ZNF804B: variants seen among roughly 807,000 people sequenced by gnomAD.
The protein encoded by ZNF804B is zinc finger protein 804B, also known as zinc finger 804B.
ZNF804B carries 80 observed loss-of-function variants against 101.4 expected under a neutral mutation model. The ratio of observed to expected loss-of-function variants is 0.79; its 90% confidence interval spans 0.66 to 0.95. The LOEUF is 0.95. ZNF804B is among the 40% of genes least tolerant of loss of function. ZNF804B has a pLI of 0.00. For synonymous variants in ZNF804B, 622 were observed against 558.8 expected, an observed-to-expected ratio of 1.11 and a Z score of -1.59; for missense variants, 1,673 against 1,561.9, an observed-to-expected ratio of 1.07 and a Z score of -1.20.
intron 1 of ZNF804B, among the ~76,000 whole-genome samples, chr7:89,131,716 TAAATA>T (rs1165145852): frequency 6.6e-6 from 1 of 151,986 alleles, no homozygotes; most frequent in Non-Finnish European, 1.5e-5. Flanking sequence ...CAAAATGTCT[TAAATA>T]AAAATAGACA....
At position 89,291,243 on chromosome 7, in the gene ZNF804B, C is replaced by T. The variant is rs567861532; in HGVS notation, c.250-36101C>T. Among the ~76,000 whole-genome samples, 23 of 152,150 alleles carry T rather than the reference C, an allele frequency of 1.5e-4. No individual in the cohort carries two copies. The East Asian group carries it at 4.2e-3, about 28-fold the overall frequency. On this transcript the variant is annotated intron_variant, in intron 2 of 3. Transcript: ENST00000333190. ...CCAGACACTGACAAATATCCACAAG[C>T]ATTGACACCATCTAGAAAATATCAC...
intron 1 of ZNF804B, among the ~76,000 whole-genome samples, chr7:89,120,428 C>A (rs1790384530): frequency 6.6e-6 from 1 of 152,022 alleles, no homozygotes; most frequent in South Asian, 2.1e-4. Flanking sequence ...GAGGCCGAGG[C>A]GGGCAGATCA....
chr7:89,147,105 A>ATAT (rs1554369568), intron 1 of ZNF804B, among the ~76,000 whole-genome samples: 1 of 149,838 alleles, frequency 6.7e-6, no homozygotes. Context: ...ATATATATTT[A>ATAT]ATGTTTAAAA....
At chr7:89,322,754 T>C (rs1405942259) in intron 2 of ZNF804B, among the ~76,000 whole-genome samples, 2 of 152,170 alleles carry the variant, frequency 1.3e-5, no homozygotes, top group African/African-American at 2.4e-5. Flanking sequence ...GTCTTATATA[T>C]CTTGCATAAA....
At chr7:88,843,894 AAAAAAAT>A (rs754283391) in intron 1 of ZNF804B, among the ~76,000 whole-genome samples, 28 of 152,130 alleles carry the variant, frequency 1.8e-4, no homozygotes, top group Non-Finnish European at 3.4e-4. Context: ...ATCGATCTAG[AAAAAAAT>A]AAACTCTTTT....
chr7:89,072,527 C>T (rs1789557113), intron 1 of ZNF804B, among the ~76,000 whole-genome samples: 1 of 152,038 alleles, frequency 6.6e-6, no homozygotes, highest in Admixed American at 6.6e-5. Context: ...TGAGCTTTAC[C>T]TGAAAGTTGG....
intron 1 of ZNF804B, among the ~76,000 whole-genome samples, chr7:88,782,604 A>G (rs910843730): frequency 1.3e-5 from 2 of 152,122 alleles, no homozygotes; most frequent in African/African-American, 4.8e-5. Context: ...CATCAAAGAG[A>G]TATTTTGATG....
intron 1 of ZNF804B, among the ~76,000 whole-genome samples, chr7:88,912,763 A>G (rs1792568470): frequency 1.3e-5 from 2 of 152,144 alleles, no homozygotes; most frequent in Non-Finnish European, 2.9e-5. Flanking sequence ...TTATTTTTTA[A>G]TATTTTTCCA....
At chr7:89,044,581 T>C (rs189641013) in intron 1 of ZNF804B, among the ~76,000 whole-genome samples, 1 of 152,248 alleles carries the variant, frequency 6.6e-6, no homozygotes, top group East Asian at 1.9e-4. Context: ...AAAATGCTGA[T>C]AGCGACATGG....
chr7:88,812,357 A>G (rs1318365279), intron 1 of ZNF804B, among the ~76,000 whole-genome samples: 1 of 152,218 alleles, frequency 6.6e-6, no homozygotes, highest in Non-Finnish European at 1.5e-5. Flanking sequence ...AAAAAAACAG[A>G]AAATAACAAC....
At chr7:89,277,173 T>C (rs912380430) in intron 2 of ZNF804B, among the ~76,000 whole-genome samples, 1 of 149,072 alleles carries the variant, frequency 6.7e-6, no homozygotes, top group African/African-American at 2.5e-5. Flanking sequence ...TATATATAGA[T>C]ACAAAATTTT....
intron 1 of ZNF804B, among the ~76,000 whole-genome samples, chr7:88,991,864 A>G (rs1413901938): frequency 6.6e-6 from 1 of 152,156 alleles, no homozygotes; most frequent in African/African-American, 2.4e-5. Context: ...GAGGTCTTTC[A>G]TTCAATGGCC....
At chr7:88,894,127 G>A (rs1177019511) in intron 1 of ZNF804B, among the ~76,000 whole-genome samples, 1 of 151,988 alleles carries the variant, frequency 6.6e-6, no homozygotes. Context: ...CTCTTTATAA[G>A]TGTTGGAAAA....
chr7:89,027,344 G>A (rs367861777), intron 1 of ZNF804B, among the ~76,000 whole-genome samples: 5 of 152,118 alleles, frequency 3.3e-5, no homozygotes, highest in African/African-American at 1.2e-4. Context: ...ATAGGAAAAG[G>A]ATTCTGCACA....
At chr7:89,260,814 C>T (rs535466417) in intron 2 of ZNF804B, among the ~76,000 whole-genome samples, 2 of 152,176 alleles carry the variant, frequency 1.3e-5, no homozygotes, top group Non-Finnish European at 2.9e-5. Flanking sequence ...TAGGCAGCTA[C>T]AGCTGTATCG....
At chr7:89,167,204 G>A (rs1182611829) in intron 1 of ZNF804B, among the ~76,000 whole-genome samples, 1 of 151,716 alleles carries the variant, frequency 6.6e-6, no homozygotes. Flanking sequence ...GGGAGGCTGA[G>A]ATGGGTGGAT....
chr7:89,209,586 A>T (rs1039003914), intron 1 of ZNF804B, among the ~76,000 whole-genome samples: 1 of 152,210 alleles, frequency 6.6e-6, no homozygotes, highest in African/African-American at 2.4e-5. Context: ...GAATCTACAT[A>T]AAAAAGATTG....
At chr7:89,122,681 G>T (rs67169022) in intron 1 of ZNF804B, among the ~76,000 whole-genome samples, 14,406 of 152,048 alleles carry the variant, frequency 0.095, 746 homozygotes, top group Middle Eastern at 0.14. Flanking sequence ...AGTATTATTG[G>T]TGTGGTTTTG....
chr7:89,049,536 G>A (rs963348369), intron 1 of ZNF804B, among the ~76,000 whole-genome samples: 3 of 151,936 alleles, frequency 2.0e-5, no homozygotes, highest in East Asian at 1.9e-4. Context: ...AGATCTTATT[G>A]TTAAACATTT....
Sources: gnomAD v4.1 joint callset for allele counts (sites outside exome capture counted in the v4.1 genomes callset) on GRCh38, gnomAD v4.1.1 for gene constraint, MANE v1.5 for transcripts, NCBI Gene and HGNC (gene_info 2026-07-23, HGNC 2026-07-21) for gene names.